Variants in JARID2 observed in about 807,000 individuals in gnomAD.
JARID2 encodes protein Jumonji.
JARID2 carries 21 observed loss-of-function variants against 125.6 expected under a neutral mutation model. The ratio of observed to expected loss-of-function variants is 0.17; its 90% confidence interval spans 0.12 to 0.24. The LOEUF (loss-of-function observed/expected upper bound fraction) is 0.24, where lower values mean the gene tolerates loss of function less well. JARID2 is among the 10% of genes least tolerant of loss of function. The pLI is 1.00. For missense variants in JARID2, 1,303 were observed against 1,639.6 expected, an observed-to-expected ratio of 0.79 and a Z score of 3.55; for synonymous variants, 736 against 661.6, an observed-to-expected ratio of 1.11 and a Z score of -1.73.
At chr6:15,513,519 G>C in intron 16 of JARID2, 97 bp downstream of exon 16, 1 of 1,180,192 alleles carries the variant, frequency 8.5e-7, no homozygotes. Context: ...CTCTGCCCAG[G>C]AGACCTGCTG....
At chr6:15,351,012 A>G (rs897406131) in intron 1 of JARID2, among the ~76,000 whole-genome samples, 2 of 151,908 alleles carry the variant, frequency 1.3e-5, no homozygotes, top group African/African-American at 4.8e-5. Context: ...AAAAAAAAAA[A>G]GCAGATATCT....
At chr6:15,305,842 G>C (rs1761801931) in intron 1 of JARID2, among the ~76,000 whole-genome samples, 1 of 152,196 alleles carries the variant, frequency 6.6e-6, no homozygotes, top group African/African-American at 2.4e-5. Flanking sequence ...TCCTTGGACA[G>C]TGTATTATGA....
At chr6:15,451,497 G>C (rs578239777) in intron 3 of JARID2, among the ~76,000 whole-genome samples, 1 of 152,190 alleles carries the variant, frequency 6.6e-6, no homozygotes, top group Admixed American at 6.5e-5. Flanking sequence ...GAATTTAGAA[G>C]TGGCGACAGG....
chr6:15,425,530 AATACCTTTATCGTGGGAGTGGATTC>A (rs1380414527), intron 3 of JARID2, among the ~76,000 whole-genome samples: 1 of 152,126 alleles, frequency 6.6e-6, no homozygotes, highest in African/African-American at 2.4e-5. Context: ...TGAGTGGATT[AATACCTTTATCGTGGGAGTGGATTC>A]ATACCTTTAT....
chr6:15,465,419 C>T (rs944770966), intron 4 of JARID2, among the ~76,000 whole-genome samples: 1 of 152,196 alleles, frequency 6.6e-6, no homozygotes, highest in African/African-American at 2.4e-5. Flanking sequence ...CCACTGCATT[C>T]CAGCCTGGGC....
chr6:15,428,974 A>G (rs1243576326), intron 3 of JARID2, among the ~76,000 whole-genome samples: 1 of 144,514 alleles, frequency 6.9e-6, no homozygotes, highest in East Asian at 2.2e-4. Context: ...TATAGTCCTC[A>G]TTAATTGTCT....
chr6:15,504,418 G>A (rs544436148), intron 8 of JARID2, 82 bp from the exon 9 acceptor site: 94 of 984,266 alleles, frequency 9.6e-5, no homozygotes, highest in Non-Finnish European at 1.3e-4. Flanking sequence ...AAGGGGCAGC[G>A]GCCCATGACA....
chr6:15,261,451 G>A (rs1759873499), intron 1 of JARID2, among the ~76,000 whole-genome samples: 1 of 151,830 alleles, frequency 6.6e-6, no homozygotes, highest in Non-Finnish European at 1.5e-5. Context: ...CCAAGTGGCT[G>A]GGACTACAGG....
At chr6:15,287,833 T>C (rs372764848) in intron 1 of JARID2, among the ~76,000 whole-genome samples, 2 of 152,338 alleles carry the variant, frequency 1.3e-5, no homozygotes, top group African/African-American at 4.8e-5. Context: ...CTTTGAATCA[T>C]GGACATTTAT....
chr6:15,319,567 T>A (rs1480048785), intron 1 of JARID2, among the ~76,000 whole-genome samples: 1 of 152,060 alleles, frequency 6.6e-6, no homozygotes, highest in Non-Finnish European at 1.5e-5. Context: ...CCTGCCAATT[T>A]TTTTGTGTAT....
chr6:15,423,735 G>T (rs555435481), intron 3 of JARID2, among the ~76,000 whole-genome samples: 1 of 152,296 alleles, frequency 6.6e-6, no homozygotes, highest in Non-Finnish European at 1.5e-5. Flanking sequence ...TTTGCAGGAT[G>T]CTGGAGAAGC....
intron 6 of JARID2, among the ~76,000 whole-genome samples, chr6:15,495,385 C>T (rs573211239): frequency 3.3e-5 from 5 of 152,260 alleles, no homozygotes; most frequent in Admixed American, 2.6e-4. Flanking sequence ...ATAGGAAGCG[C>T]GTGTGCAGAC....
At chr6:15,510,995 T>C (rs573196512) in intron 12 of JARID2, among the ~76,000 whole-genome samples, 1 of 152,120 alleles carries the variant, frequency 6.6e-6, no homozygotes, top group Non-Finnish European at 1.5e-5. Flanking sequence ...TTTGTGAACA[T>C]CTGTTTGTGG....
chr6:15,517,802 G>C (rs749139384), intron 17 of JARID2, among the ~76,000 whole-genome samples: 2 of 152,218 alleles, frequency 1.3e-5, no homozygotes, highest in Admixed American at 6.5e-5. Context: ...GCCGCTCTGA[G>C]TGGCGGAACT....
At chr6:15,326,496 G>A (rs1389444902) in intron 1 of JARID2, among the ~76,000 whole-genome samples, 2 of 152,152 alleles carry the variant, frequency 1.3e-5, no homozygotes, top group Non-Finnish European at 2.9e-5. Context: ...TGGCCTGTCA[G>A]TATTAATGTT....
intron 1 of JARID2, among the ~76,000 whole-genome samples, chr6:15,264,792 T>C (rs1287733217): frequency 6.6e-6 from 1 of 152,238 alleles, no homozygotes; most frequent in Non-Finnish European, 1.5e-5. Flanking sequence ...TTTCAAAGGC[T>C]AACGCCACAT....
chr6:15,484,719 C>A (rs1769784400), intron 5 of JARID2, among the ~76,000 whole-genome samples: 1 of 152,144 alleles, frequency 6.6e-6, no homozygotes, highest in Admixed American at 6.5e-5. Flanking sequence ...GGGCGGGAAA[C>A]CCATATAGTA....
chr6:15,252,674 T>C (rs1183575305), intron 1 of JARID2, among the ~76,000 whole-genome samples: 1 of 152,242 alleles, frequency 6.6e-6, no homozygotes, highest in Non-Finnish European at 1.5e-5. Flanking sequence ...GAAGGTCTGT[T>C]CCATTTTAAA....
In JARID2 at chr6:15,421,411, TA is replaced by T. The variant is rs561366543; in HGVS notation, c.323+11059del. On this transcript the variant is annotated intron_variant, in intron 3 of 17. Transcript: ENST00000341776. The stretch of plus-strand genomic sequence containing the variant: ...CTTTTCATTTAGTTTTGTTAGTCTT[TA>T]AAAAAAAAAAAAGGTGAACAGCGTA... Among the ~76,000 whole-genome samples, 1,197 of 138,872 alleles carry T rather than the reference TA, an allele frequency of 8.6e-3. 6 individuals carry two copies. Among genetic ancestry groups the T allele is most frequent in the African/African-American group, 0.019 (731 of 38,062 alleles). 91.1% of individuals were successfully genotyped at this position (138,872 alleles called of 152,430 possible).
Sources: allele counts gnomAD v4.1 joint callset (sites outside exome capture counted in the v4.1 genomes callset), GRCh38; gene constraint gnomAD v4.1.1; transcripts MANE v1.5; gene names NCBI Gene and HGNC (gene_info 2026-07-23, HGNC 2026-07-21).